Variants in GRM5 observed in about 807,000 individuals in gnomAD.
GRM5 encodes the protein metabotropic glutamate receptor 5.
GRM5 carries 19 observed loss-of-function variants against 83.1 expected under a neutral mutation model. The ratio of observed to expected loss-of-function variants is 0.23; its 90% CI spans 0.16 to 0.34. The LOEUF (loss-of-function observed/expected upper bound fraction) is 0.34. Ranked by LOEUF, GRM5 falls within the 10% of genes least tolerant of loss-of-function variation. The pLI is 1.00. For missense variants in GRM5, 1,160 were observed against 1,588.3 expected, an observed-to-expected ratio of 0.73 and a Z score of 4.58; for synonymous variants, 675 against 633.6, an observed-to-expected ratio of 1.07 and a Z score of -0.98.
At chr11:89,058,630 T>A (rs1035072350) in intron 1 of GRM5, among the ~76,000 whole-genome samples, 2 of 152,226 alleles carry the variant, frequency 1.3e-5, no homozygotes, top group African/African-American at 2.4e-5. Flanking sequence ...ACTCAATGTT[T>A]ATGCAGTTAT....
rs146464275 is a variant in GRM5 at position 88,667,268 on chromosome 11, T to C, written c.912-13865A>G. Among the ~76,000 whole-genome samples the C allele has an allele frequency of 1.9e-4, 29 of 152,048 alleles. No individual in the cohort carries two copies. In the East Asian group the frequency reaches 5.6e-3, roughly 29 times the overall value. Reference sequence around the variant, plus strand: ...ATAAAATATGATGAAAACATCTAAGTCAGATAATTAGTTTTCCAGGGGGAG... The same window carrying C: ...ATAAAATATGATGAAAACATCTAAGCCAGATAATTAGTTTTCCAGGGGGAG... On this transcript the variant is annotated intron_variant, in intron 3 of 9. Transcript: ENST00000305447.
chr11:88,931,102 C>G (rs981703526), intron 2 of GRM5, among the ~76,000 whole-genome samples: 4 of 151,628 alleles, frequency 2.6e-5, no homozygotes, highest in Admixed American at 6.6e-5. Context: ...ATTATATGTG[C>G]TATAGGTAAA....
chr11:89,004,913 T>C (rs1191746254), intron 2 of GRM5, among the ~76,000 whole-genome samples: 5 of 152,226 alleles, frequency 3.3e-5, no homozygotes, highest in African/African-American at 1.2e-4. Context: ...AGAGCTCTTC[T>C]TCGTTCCTCA....
At chr11:88,909,893 T>C (rs987022333) in intron 2 of GRM5, among the ~76,000 whole-genome samples, 4 of 152,150 alleles carry the variant, frequency 2.6e-5, no homozygotes, top group Admixed American at 6.6e-5. Context: ...CTAGAGATTA[T>C]GAGTATATAC....
chr11:89,011,819 T>A (rs1456143648), intron 2 of GRM5, among the ~76,000 whole-genome samples: 1 of 152,200 alleles, frequency 6.6e-6, no homozygotes, highest in African/African-American at 2.4e-5. Context: ...ATAGATGCAA[T>A]TACTCTTAAT....
chr11:88,984,826 T>A (rs773857562), intron 2 of GRM5: 18 of 739,962 alleles, frequency 2.4e-5, no homozygotes, highest in Non-Finnish European at 4.0e-5. Flanking sequence ...GGGCATCATA[T>A]ACTAAAGAAT....
chr11:88,540,898 C>G (rs1352205089), intron 8 of GRM5, among the ~76,000 whole-genome samples: 2 of 151,760 alleles, frequency 1.3e-5, no homozygotes, highest in Non-Finnish European at 1.5e-5. Context: ...AGGTGCCCAC[C>G]ACCACGCCTG....
intron 2 of GRM5, among the ~76,000 whole-genome samples, chr11:88,994,809 A>G (rs754345140): frequency 1.3e-5 from 2 of 151,940 alleles, no homozygotes. Flanking sequence ...TTGAAGTTCT[A>G]TTGATATCTA....
At chr11:89,003,533 G>A (rs767739756) in intron 2 of GRM5, among the ~76,000 whole-genome samples, 3 of 152,148 alleles carry the variant, frequency 2.0e-5, no homozygotes, top group Non-Finnish European at 4.4e-5. Flanking sequence ...GGACTAGCTA[G>A]ATGGCCTGGA....
chr11:88,758,850 AG>A (rs1254994498), intron 3 of GRM5, among the ~76,000 whole-genome samples: 3 of 152,284 alleles, frequency 2.0e-5, no homozygotes, highest in East Asian at 3.9e-4. Context: ...GAGAAAGCTC[AG>A]GTCACTTACA....
intron 2 of GRM5, among the ~76,000 whole-genome samples, chr11:88,999,184 A>T (rs1313706465): frequency 6.6e-6 from 1 of 152,234 alleles, no homozygotes; most frequent in Non-Finnish European, 1.5e-5. Flanking sequence ...ATGGGCAAAG[A>T]CTTCATGTCT....
At chr11:89,023,140 A>AGTGT (rs61343398) in intron 2 of GRM5, among the ~76,000 whole-genome samples, 3,678 of 146,802 alleles carry the variant, frequency 0.025, 86 homozygotes, top group African/African-American at 0.061. Flanking sequence ...ATATGCAAAG[A>AGTGT]GTGTGTGTGT....
At chr11:89,054,774 G>A (rs1391138987) in intron 1 of GRM5, among the ~76,000 whole-genome samples, 1 of 152,150 alleles carries the variant, frequency 6.6e-6, no homozygotes. Flanking sequence ...GAAATAAAGG[G>A]ACGGTATGCT....
chr11:88,599,937 C>T lies in GRM5; in HGVS notation c.1395-2585G>A, dbSNP rs910082187. Among the ~76,000 whole-genome samples, 12 of 152,218 alleles carry T rather than the reference C, an allele frequency of 7.9e-5. No homozygotes were observed. In the East Asian group the frequency reaches 9.7e-4, roughly 12 times the overall value. On this transcript the variant is annotated intron_variant, in intron 5 of 9. Coordinates refer to ENST00000305447, the MANE Select transcript of GRM5 (RefSeq NM_001143831.3). ...CTGAGGCAGGAGAATGGCGTGAACC[C>T]GGGAGACGGAGCTTGCAGTGAGCCT... is the stretch of plus-strand genomic sequence containing the variant.
chr11:88,680,132 C>A (rs137978028), intron 3 of GRM5, among the ~76,000 whole-genome samples: 6,656 of 152,154 alleles, frequency 0.044, 152 homozygotes, highest in Middle Eastern at 0.075. Context: ...GCACAACATG[C>A]AGGTTTGTTA....
rs878923607 is a variant in GRM5 at position 89,047,909 on chromosome 11, G to C, written c.-37C>G. ...AGTTCAAGCCAATAAAGATAGCATG[G>C]TGGGGAAAATTCAGGAGGGTTCTGA... On this transcript the variant is annotated 5_prime_UTR_variant, in exon 2 of 10. Coordinates refer to ENST00000305447, the MANE Select transcript of GRM5 (RefSeq NM_001143831.3). The surrounding 1 kb of genome is among the most constrained non-coding windows in gnomAD (Gnocchi z 5.1). 2 of 1,553,674 alleles carry C rather than the reference G, an allele frequency of 1.3e-6. No individual in the cohort carries two copies. The highest frequency in any genetic ancestry group is 2.3e-5 in the South Asian group (2 of 87,602).
chr11:88,723,158 T>TC (rs1176095650), intron 3 of GRM5, among the ~76,000 whole-genome samples: 1 of 149,688 alleles, frequency 6.7e-6, no homozygotes, highest in Admixed American at 6.7e-5. Flanking sequence ...TTTTTTTTTT[T>TC]CTCATAGCAA....
intron 8 of GRM5, among the ~76,000 whole-genome samples, chr11:88,536,550 C>T (rs1408779688): frequency 1.3e-5 from 2 of 152,166 alleles, no homozygotes; most frequent in Non-Finnish European, 2.9e-5. Flanking sequence ...ATCCACTCCC[C>T]CTTTGTACCA....
chr11:88,720,769 A>C (rs979612747), intron 3 of GRM5, among the ~76,000 whole-genome samples: 1 of 151,444 alleles, frequency 6.6e-6, no homozygotes, highest in African/African-American at 2.4e-5. Context: ...GGACAGACTC[A>C]CACAGGTTTG....
Sources: gnomAD v4.1 joint callset for allele counts (sites outside exome capture counted in the v4.1 genomes callset) on GRCh38, gnomAD v4.1.1 for gene constraint, Gnocchi (gnomAD v3.1) non-coding constraint, MANE v1.5 for transcripts, NCBI Gene and HGNC (gene_info 2026-07-23, HGNC 2026-07-21) for gene names.